Variants in OXCT1 observed in about 807,000 individuals in gnomAD.
OXCT1 encodes 3-oxoacid CoA-transferase 1.
Under a neutral mutation model 69.6 loss-of-function variants are expected in OXCT1, and 27 were observed. The observed-to-expected ratio is 0.39, with a 90% CI of 0.29 to 0.54. The LOEUF is 0.54. Ranked by LOEUF, OXCT1 falls within the 20% of genes least tolerant of loss-of-function variation. The pLI is 0.72. For missense variants in OXCT1, 437 were observed against 650.2 expected (o/e 0.67, Z 3.57); for synonymous variants, 202 against 217.8 (o/e 0.93, Z 0.64).
intron 3 of OXCT1, among the ~76,000 whole-genome samples, chr5:41,856,123 C>A (rs1428999904): frequency 1.3e-5 from 2 of 152,084 alleles, no homozygotes; most frequent in African/African-American, 4.8e-5. Context: ...GGAAATATAA[C>A]AGTATGATTA....
At chr5:41,853,270 T>A (rs1749269328) in intron 4 of OXCT1, 149 bp downstream of exon 4, 1 of 659,534 alleles carries the variant, frequency 1.5e-6, no homozygotes, top group Non-Finnish European at 2.7e-6. Context: ...CCTCCAGCAA[T>A]CAACAGGTGT....
intron 15 of OXCT1, among the ~76,000 whole-genome samples, chr5:41,744,757 G>T (rs1743380745): frequency 6.6e-6 from 1 of 151,882 alleles, no homozygotes; most frequent in Non-Finnish European, 1.5e-5. Flanking sequence ...GACAAAAAAA[G>T]GCAGGGGTTG....
chr5:41,742,606 A>G (rs973260674), intron 15 of OXCT1, among the ~76,000 whole-genome samples: 1 of 152,138 alleles, frequency 6.6e-6, no homozygotes, highest in Non-Finnish European at 1.5e-5. Context: ...AACATTAGGT[A>G]TATCTCCTAA....
In OXCT1 at chr5:41,808,165, C is replaced by A. The variant is rs570018081; in HGVS notation, c.733-727G>T. 1.3e-4 allele frequency among the ~76,000 whole-genome samples: 20 copies of A among 152,084 alleles called. No homozygotes were observed. In the South Asian group the frequency reaches 2.9e-3, roughly 22 times the overall value. On this transcript the variant is annotated intron_variant, in intron 7 of 16. Coordinates refer to ENST00000196371, the MANE Select transcript of OXCT1 (RefSeq NM_000436.4). The stretch of plus-strand genomic sequence containing the variant: ...ATTTAAAAGACAATTTTTCTATCAA[C>A]ATAAAACAGTTCAAAAGAACAAGGA...
intron 7 of OXCT1, among the ~76,000 whole-genome samples, chr5:41,826,630 G>T (rs1747818246): frequency 7.1e-6 from 1 of 141,216 alleles, no homozygotes; most frequent in Non-Finnish European, 1.5e-5. Context: ...CTCATATTCT[G>T]TTCAAAAAAA....
chr5:41,776,396 A>G (rs1745122527), intron 13 of OXCT1, among the ~76,000 whole-genome samples: 1 of 152,172 alleles, frequency 6.6e-6, no homozygotes, highest in Non-Finnish European at 1.5e-5. Context: ...TGTGAATCTA[A>G]ACTAATTTTA....
intron 15 of OXCT1, among the ~76,000 whole-genome samples, chr5:41,743,256 T>C (rs867211985): frequency 1.3e-5 from 2 of 152,260 alleles, no homozygotes; most frequent in Middle Eastern, 3.2e-3. Flanking sequence ...TTCATGTGTC[T>C]GTTGGCTGCA....
intron 15 of OXCT1, among the ~76,000 whole-genome samples, chr5:41,739,946 A>G (rs924770383): frequency 2.0e-5 from 3 of 152,070 alleles, no homozygotes; most frequent in Admixed American, 6.6e-5. Context: ...AACTGTAACT[A>G]TGATATTTTG....
At chr5:41,800,434 G>A (rs1746369186) in intron 11 of OXCT1, among the ~76,000 whole-genome samples, 1 of 151,736 alleles carries the variant, frequency 6.6e-6, no homozygotes, top group African/African-American at 2.4e-5. Context: ...TGAGAAGGCT[G>A]ACCTACTTTG....
At chr5:41,839,755 T>G (rs992064306) in intron 7 of OXCT1, among the ~76,000 whole-genome samples, 1 of 152,138 alleles carries the variant, frequency 6.6e-6, no homozygotes, top group African/African-American at 2.4e-5. Flanking sequence ...CAGATCCCAA[T>G]AGGGGTCCTA....
intron 2 of OXCT1, 101 bp from the exon 3 acceptor site, chr5:41,861,505 C>A: frequency 1.4e-5 from 11 of 800,226 alleles, no homozygotes; most frequent in Non-Finnish European, 2.0e-5. Context: ...AAACAAAGCA[C>A]ATTATTAGAT....
intron 13 of OXCT1, among the ~76,000 whole-genome samples, chr5:41,782,352 T>C (rs1019564126): frequency 6.6e-6 from 1 of 152,000 alleles, no homozygotes; most frequent in Non-Finnish European, 1.5e-5. Context: ...GAAGCTGAGA[T>C]TACAGGTGCA....
rs542383901 is a variant in OXCT1 at position 41,830,256 on chromosome 5, T to C, written c.732+10195A>G. Among the ~76,000 whole-genome samples the C allele has an allele frequency of 2.6e-5, 4 of 152,304 alleles. No homozygotes were observed. In the South Asian group the frequency reaches 6.2e-4, roughly 24 times the overall value. On this transcript the variant is annotated intron_variant, in intron 7 of 16. Coordinates refer to ENST00000196371, the MANE Select transcript of OXCT1 (RefSeq NM_000436.4). ...CAAAAGTTAGCACTTAGGAAGGTGA[T>C]AGTATTCTGCCGAAGGACTAAGGAT... is the stretch of plus-strand genomic sequence containing the variant.
chr5:41,761,078 T>C (rs1357940609), intron 14 of OXCT1, among the ~76,000 whole-genome samples: 2 of 151,890 alleles, frequency 1.3e-5, no homozygotes, highest in African/African-American at 4.8e-5. Flanking sequence ...TGATAAAGAA[T>C]AAAGGAGGAT....
intron 11 of OXCT1, among the ~76,000 whole-genome samples, chr5:41,797,274 G>A (rs60209308): frequency 0.18 from 27,696 of 152,068 alleles, 2,741 homozygotes; most frequent in Middle Eastern, 0.29. Context: ...TATTATTTGT[G>A]AAGCATAGTT....
chr5:41,860,148 C>T (rs996326116), intron 3 of OXCT1, among the ~76,000 whole-genome samples: 1 of 151,930 alleles, frequency 6.6e-6, no homozygotes, highest in Admixed American at 6.6e-5. Context: ...AAACAAGTTA[C>T]TTCTCTATTT....
At chr5:41,803,960 C>T (rs1746545455) in intron 9 of OXCT1, among the ~76,000 whole-genome samples, 1 of 152,190 alleles carries the variant, frequency 6.6e-6, no homozygotes, top group South Asian at 2.1e-4. Flanking sequence ...TACCACTGCA[C>T]AACAAATACC....
rs121909303 is a variant in OXCT1, at chr5:41,842,685, C to T, written c.661G>A (p.Val221Met). 9.3e-5 allele frequency: 150 copies of T among 1,610,434 alleles called. No homozygotes were observed. The highest frequency in any genetic ancestry group is 1.2e-4 in the Non-Finnish European group (140 of 1,176,742). Residue 221 changes from valine to methionine, a missense_variant, in exon 6 of 17, where the codon GTG becomes ATG. Around this residue, in one of 4 missense-constraint regions of OXCT1, gnomAD observed 252 missense variants for 397.4 expected, o/e 0.63. Transcript: ENST00000196371. ...AAACTATCACAATACCTGAAAATCA[C>T]GTTTCCTGCTCGGTCCGCCTTCCAG... ...KAWKADRAGN[V>M]IFRKSARNFN...
At position 41,870,054 on chromosome 5, in the gene OXCT1, C is replaced by A. The variant is rs1353696865; in HGVS notation, c.78+227G>T. On this transcript the variant is annotated intron_variant, in intron 1 of 16. Coordinates refer to ENST00000196371, the MANE Select transcript of OXCT1 (RefSeq NM_000436.4). The surrounding 1 kb of genome is among the most constrained non-coding windows in gnomAD (Gnocchi z 4.2). ...CTCTCCGCGCGCTTCTTTATCGCGT[C>A]TCGCTCCATCAGGGAAGCGACTGCA... 2 of 573,272 alleles carry A rather than the reference C, an allele frequency of 3.5e-6. No individual in the cohort carries two copies. Among genetic ancestry groups the A allele is most frequent in the Non-Finnish European group, 6.3e-6 (2 of 317,492 alleles). The allele number at this position is 573,272 out of a possible 1,614,324, so 35.5% of individuals were successfully genotyped here.
Sources: allele counts gnomAD v4.1 joint callset (sites outside exome capture counted in the v4.1 genomes callset), GRCh38; gene constraint gnomAD v4.1.1; regional missense constraint gnomAD v4.1.1; non-coding constraint Gnocchi (gnomAD v3.1); transcripts MANE v1.5; gene names NCBI Gene and HGNC (gene_info 2026-07-23, HGNC 2026-07-21).